The following EIF4G3 variants were observed in gnomAD, a reference collection of about 807,000 sequenced individuals.
EIF4G3 encodes the protein eukaryotic translation initiation factor 4 gamma 3.
Under a neutral mutation model 186.4 loss-of-function variants are expected in EIF4G3, and 34 were observed. The observed-to-expected ratio is 0.18, with a 90% CI of 0.14 to 0.24. The LOEUF is 0.24. EIF4G3 is among the 10% of genes least tolerant of loss of function. EIF4G3 has a pLI of 1.00. For missense variants in EIF4G3, 1,536 were observed against 1,948.5 expected (o/e 0.79, Z 3.99); for synonymous variants, 673 against 679.5 (o/e 0.99, Z 0.15).
At chr1:20,841,583 A>G (rs763476226) in intron 29 of EIF4G3, among the ~76,000 whole-genome samples, 2 of 152,212 alleles carry the variant, frequency 1.3e-5, no homozygotes, top group Non-Finnish European at 2.9e-5. Flanking sequence ...CCTTCATATG[A>G]AAGTTAAATT....
Position 21,002,744 on chromosome 1 carries a change from G to GTCT in EIF4G3, c.-5_-3dup. 1 of 1,613,740 alleles carries GTCT rather than the reference G, an allele frequency of 6.2e-7. No homozygotes were observed. ...ACGGGTTTGAGGTTGTGAATTCATT[G>GTCT]TCTGAGGGGTTTGAGGGTATACCAG... On this transcript the variant is annotated 5_prime_UTR_variant, in exon 5 of 37. Coordinates refer to ENST00000602326, the MANE Select transcript of EIF4G3 (RefSeq NM_001391906.1).
chr1:21,121,442 G>A (rs12402486), intron 2 of EIF4G3, among the ~76,000 whole-genome samples: 65,480 of 151,812 alleles, frequency 0.43, 14,502 homozygotes, highest in Non-Finnish European at 0.47. Context: ...AGAAATATGC[G>A]AACTGAGTAT....
intron 35 of EIF4G3, 131 bp downstream of exon 35, chr1:20,813,027 A>G: frequency 1.6e-6 from 1 of 618,778 alleles, no homozygotes; most frequent in African/African-American, 1.8e-5. Context: ...CACAGACAGA[A>G]AGGACAGTGC....
intron 2 of EIF4G3, among the ~76,000 whole-genome samples, chr1:21,104,778 G>A (rs912961614): frequency 6.6e-6 from 1 of 152,106 alleles, no homozygotes; most frequent in African/African-American, 2.4e-5. Flanking sequence ...GTTTGTCATA[G>A]CACTATTCAC....
chr1:21,002,234 T>C (rs769604522), intron 5 of EIF4G3, among the ~76,000 whole-genome samples: 1 of 152,234 alleles, frequency 6.6e-6, no homozygotes, highest in Non-Finnish European at 1.5e-5. Context: ...CACTGGTATA[T>C]GTCATGCATA....
At chr1:20,818,441 C>A (rs937191699) in intron 33 of EIF4G3, among the ~76,000 whole-genome samples, 2 of 152,086 alleles carry the variant, frequency 1.3e-5, no homozygotes, top group Non-Finnish European at 2.9e-5. Context: ...GAGTTTGAGA[C>A]CAGCCTGGGC....
At chr1:20,839,036 T>C (rs183311027) in intron 30 of EIF4G3, among the ~76,000 whole-genome samples, 87 of 152,248 alleles carry the variant, frequency 5.7e-4, no homozygotes, top group Middle Eastern at 3.4e-3. Flanking sequence ...TGGAGTGCAG[T>C]GGCGCAATTT....
intron 14 of EIF4G3, among the ~76,000 whole-genome samples, chr1:20,909,778 ATTTTTT>A (rs35293207): frequency 8.7e-4 from 112 of 129,348 alleles, no homozygotes; most frequent in African/African-American, 2.8e-3. Context: ...CAATCTGCTA[ATTTTTT>A]TTTTTTTTTT....
At chr1:20,924,057 C>T (rs376980513) in intron 14 of EIF4G3, among the ~76,000 whole-genome samples, 1 of 152,104 alleles carries the variant, frequency 6.6e-6, no homozygotes, top group African/African-American at 2.4e-5. Flanking sequence ...ATCATAAAAA[C>T]TCATGGTTAA....
chr1:21,073,351 T>C (rs2095497274), intron 3 of EIF4G3, among the ~76,000 whole-genome samples: 1 of 152,158 alleles, frequency 6.6e-6, no homozygotes, highest in South Asian at 2.1e-4. Context: ...GAAAATTAAA[T>C]AAAATTTAAA....
chr1:21,131,583 G>A (rs2097155832), intron 2 of EIF4G3, among the ~76,000 whole-genome samples: 1 of 151,882 alleles, frequency 6.6e-6, no homozygotes, highest in Non-Finnish European at 1.5e-5. Flanking sequence ...AAGGCAGCAA[G>A]AAGAAGAAAA....
At chr1:20,827,741 C>A (rs1373083167) in intron 31 of EIF4G3, 43 bp from the exon 32 acceptor site, 2 of 1,359,222 alleles carry the variant, frequency 1.5e-6, no homozygotes, top group Non-Finnish European at 2.1e-6. Context: ...CTAAAGAAAT[C>A]CTTTCTTCTA....
At chr1:21,030,877 G>T (rs917151838) in intron 4 of EIF4G3, among the ~76,000 whole-genome samples, 3 of 152,120 alleles carry the variant, frequency 2.0e-5, no homozygotes, top group African/African-American at 7.2e-5. Flanking sequence ...GCTATTGGGA[G>T]GCAAAGAATG....
At chr1:21,088,823 C>G (rs919089573) in intron 3 of EIF4G3, among the ~76,000 whole-genome samples, 1 of 152,066 alleles carries the variant, frequency 6.6e-6, no homozygotes, top group African/African-American at 2.4e-5. Context: ...CAAGATCACA[C>G]CACTGCACTC....
At chr1:21,050,585 G>A (rs937978215) in intron 4 of EIF4G3, among the ~76,000 whole-genome samples, 1 of 152,028 alleles carries the variant, frequency 6.6e-6, no homozygotes, top group Non-Finnish European at 1.5e-5. Flanking sequence ...TTTGTGGGGG[G>A]GTTTTCCAGT....
chr1:21,161,225 C>T (rs895627597), intron 2 of EIF4G3, among the ~76,000 whole-genome samples: 2 of 151,662 alleles, frequency 1.3e-5, no homozygotes, highest in African/African-American at 2.4e-5. Context: ...AAGTGCCAGC[C>T]TGGCACAATG....
intron 14 of EIF4G3, among the ~76,000 whole-genome samples, chr1:20,926,661 T>C (rs1460008521): frequency 6.8e-6 from 1 of 146,252 alleles, no homozygotes; most frequent in African/African-American, 2.5e-5. Context: ...AGCAAGACCC[T>C]GTCTCAGAAA....
At chr1:20,992,787 T>G (rs998551081) in intron 7 of EIF4G3, among the ~76,000 whole-genome samples, 2 of 152,182 alleles carry the variant, frequency 1.3e-5, no homozygotes, top group African/African-American at 4.8e-5. Context: ...ATCTCTATTG[T>G]GAAACCCCAA....
intron 31 of EIF4G3, 47 bp downstream of exon 31, chr1:20,829,100 T>C: frequency 1.9e-6 from 3 of 1,591,222 alleles, no homozygotes; most frequent in Non-Finnish European, 2.6e-6. Context: ...AGTGAGTTAT[T>C]AGTCAGTTCT....
Sources: allele counts gnomAD v4.1 joint callset (sites outside exome capture counted in the v4.1 genomes callset), GRCh38; gene constraint gnomAD v4.1.1; transcripts MANE v1.5; gene names NCBI Gene and HGNC (gene_info 2026-07-23, HGNC 2026-07-21).